TAF6L: variants seen among roughly 807,000 people sequenced by gnomAD.
TAF6L encodes the protein TATA-box binding protein associated factor 6 like.
Under a neutral mutation model 57.3 loss-of-function variants are expected in TAF6L, and 34 were observed. The observed-to-expected ratio is 0.59, with a 90% CI of 0.45 to 0.79. TAF6L has a LOEUF of 0.79. TAF6L is among the 30% of genes least tolerant of loss of function. The pLI, the probability that TAF6L is intolerant of heterozygous loss-of-function variation, is 0.00. For missense variants in TAF6L, 782 were observed against 853.2 expected (o/e 0.92, Z 1.04); for synonymous variants, 417 against 376.3 (o/e 1.11, Z -1.25).
intron 5 of TAF6L, 59 bp downstream of exon 5, chr11:62,778,394 G>T: frequency 1.2e-6 from 2 of 1,600,542 alleles, no homozygotes; most frequent in Admixed American, 1.7e-5. Flanking sequence ...AGGTTCTGAG[G>T]GTGGTGCCTA....
At position 62,778,938 on chromosome 11, in the gene TAF6L, T is replaced by G; in HGVS notation, c.506T>G (p.Leu169Arg). 6.2e-7 allele frequency: 1 copy of G among 1,613,914 alleles called. No individual in the cohort carries two copies. Among genetic ancestry groups the G allele is most frequent in the Non-Finnish European group, 8.5e-7 (1 of 1,179,980 alleles). The change falls in exon 6 of 11, where the codon CTA (leucine) becomes CGA (arginine). Residue 169 changes from leucine to arginine, a missense_variant. Physicochemically the swap from Leu to Arg is moderately radical, Grantham distance 102 (BLOSUM62 -2). This residue lies in a region of TAF6L where 220 missense variants were observed against 252.1 expected (regional missense o/e 0.87). Transcript: ENST00000294168. ...TATCACCAGGTGACTCGTGCTGTGC[T>G]AGGGGATGATCCGCAACTGATGAAG... ...KYYHQVTRAV[L>R]GDDPQLMKVA...
Position 62,775,936 on chromosome 11 carries a change from C to T in TAF6L, c.147+6C>T. On this transcript the variant is annotated splice_donor_region_variant and intron_variant, in intron 2 of 10. Transcript: ENST00000294168. The stretch of plus-strand genomic sequence containing the variant: ...GTCTGAGAGAGGCCACGCAGGTACA[C>T]TCCCCTCACCCCCTGATACCTCCAA... 6.3e-7 allele frequency: 1 copy of T among 1,598,812 alleles called. No homozygotes were observed. The highest frequency in any genetic ancestry group is 1.3e-5 in the African/African-American group (1 of 74,580).
intron 7 of TAF6L, 62 bp from the exon 8 acceptor site, chr11:62,782,051 C>A: frequency 6.3e-7 from 1 of 1,591,334 alleles, no homozygotes; most frequent in Admixed American, 1.7e-5. Context: ...CAAGTGCTGT[C>A]AGAATGGTGG....
rs370316644 is a variant in TAF6L, at chr11:62,775,855, G to C, written c.72G>C (p.Thr24=). The part of the protein sequence containing the change: ...RESVRLMAES[T]GLELSDEVAA... ...CTGTCCGGCTCATGGCGGAGAGCAC[G>C]GGCCTGGAGCTGAGCGATGAGGTGG... Residue 24 remains threonine, a synonymous_variant, in exon 2 of 11, where the codon ACG becomes ACC. Transcript: ENST00000294168. The C allele has an allele frequency of 1.2e-6, 2 of 1,613,676 alleles. No individual in the cohort carries two copies. The highest frequency in any genetic ancestry group is 1.7e-6 in the Non-Finnish European group (2 of 1,180,004).
At chr11:62,772,829 CTTCT>C (rs766897703) in intron 1 of TAF6L, among the ~76,000 whole-genome samples, 4 of 144,112 alleles carry the variant, frequency 2.8e-5, no homozygotes, top group South Asian at 2.3e-4. Flanking sequence ...AAGAATAGTT[CTTCT>C]TTCTTTCTTT....
Position 62,776,039 on chromosome 11 carries a change from C to A in TAF6L, c.147+109C>A. 5 of 1,340,080 alleles carry A rather than the reference C, an allele frequency of 3.7e-6. No homozygotes were observed. The Middle Eastern group carries it at 5.7e-4, about 151-fold the overall frequency. The allele number at this position is 1,340,080 out of a possible 1,614,324, so 83.0% of individuals were successfully genotyped here. A position where few individuals can be genotyped will look rare whatever the true frequency, so the allele number is the denominator to read the frequency against. On this transcript the variant is annotated intron_variant, in intron 2 of 10. Transcript: ENST00000294168. ...GTGTACACTGGGTGCCTGCTCCATA[C>A]AACAGAGACAGTCCATGCCTTTACA...
chr11:62,781,399 C>T (rs765931223), intron 6 of TAF6L, among the ~76,000 whole-genome samples: 22 of 151,754 alleles, frequency 1.4e-4, no homozygotes, highest in Admixed American at 3.9e-4. Context: ...GATGGCCGGG[C>T]GCGGTGGCTC....
intron 8 of TAF6L, 38 bp downstream of exon 8, chr11:62,782,371 CAGAGCCAAGT>C: frequency 6.3e-7 from 1 of 1,598,276 alleles, no homozygotes; most frequent in Non-Finnish European, 8.5e-7. Flanking sequence ...GGGATTGCTG[CAGAGCCAAGT>C]GGGTTGGGGT....
rs1253615393 is a variant in TAF6L at position 62,786,278 on chromosome 11, T to C, written c.979T>C (p.Tyr327His). The C allele has an allele frequency of 4.3e-6, 7 of 1,613,712 alleles. No homozygotes were observed. The highest frequency in any genetic ancestry group is 5.9e-6 in the Non-Finnish European group (7 of 1,179,732). ...CTTCCAGGCAGTAGAACGAGTCCTGTACCCACACCTGTCCACCTACTGGAC... is the reference window on the plus strand; with the variant it reads ...CTTCCAGGCAGTAGAACGAGTCCTGCACCCACACCTGTCCACCTACTGGAC... ...LGWKAVERVL[Y>H]PHLSTYWTNL... is the part of the protein sequence containing the mutation. The change falls in exon 10 of 11, where the codon TAC becomes CAC. Residue 327 changes from tyrosine (Y) to histidine (H), a missense_variant. Around this residue, in one of 3 missense-constraint regions of TAF6L, gnomAD observed 483 missense variants for 445.1 expected, o/e 1.09. Transcript: ENST00000294168.
chr11:62,786,856 G>T lies in TAF6L; in HGVS notation c.1429G>T (p.Ala477Ser). 6.3e-7 allele frequency: 1 copy of T among 1,593,894 alleles called. No individual in the cohort carries two copies. Among genetic ancestry groups the T allele is most frequent in the East Asian group, 2.2e-5 (1 of 44,528 alleles). ...RPPGDKKEPAAAPDSVRKMPQ... is the reference protein window; with the variant it reads ...RPPGDKKEPASAPDSVRKMPQ... ...GCCCGGGGACAAGAAGGAGCCGGCG[G>T]CAGCCCCGGACTCGGTGCGGAAGAT... The change falls in exon 11 of 11, where the codon GCA (alanine) becomes TCA (serine). Residue 477 changes from alanine to serine, a missense_variant. Coordinates refer to ENST00000294168, the MANE Select transcript of TAF6L (RefSeq NM_006473.4).
chr11:62,784,725 G>A (rs2084257752), intron 9 of TAF6L, among the ~76,000 whole-genome samples: 1 of 152,140 alleles, frequency 6.6e-6, no homozygotes, highest in Non-Finnish European at 1.5e-5. Flanking sequence ...CAGATTTCCT[G>A]ATAGTAAACA....
At chr11:62,775,347 A>T (rs1231009255) in intron 1 of TAF6L, among the ~76,000 whole-genome samples, 3 of 152,108 alleles carry the variant, frequency 2.0e-5, no homozygotes. Flanking sequence ...ACACGTGGGG[A>T]TTATTAAAAT....
Position 62,778,966 on chromosome 11 carries a change from G to A in TAF6L, c.531+3G>A, listed in dbSNP as rs1370170515. 1 of 1,613,012 alleles carries A rather than the reference G, an allele frequency of 6.2e-7. No individual in the cohort carries two copies. Among genetic ancestry groups the A allele is most frequent in the South Asian group, 1.1e-5 (1 of 91,044 alleles). Reference sequence around the variant, plus strand: ...GGGATGATCCGCAACTGATGAAGGTGAGCGAGTGGGCCCAAGTTGGGGCAC... The same window carrying A: ...GGGATGATCCGCAACTGATGAAGGTAAGCGAGTGGGCCCAAGTTGGGGCAC... On this transcript the variant is annotated splice_donor_region_variant and intron_variant, in intron 6 of 10. Transcript: ENST00000294168.
intron 6 of TAF6L, chr11:62,781,678 A>AAAAAAT (rs1554997115): frequency 1.4e-4 from 66 of 464,582 alleles, no homozygotes; most frequent in East Asian, 3.2e-4. Flanking sequence ...AAAAAAAAAA[A>AAAAAAT]GTTGGACATT....
intron 1 of TAF6L, chr11:62,774,470 C>T (rs781618211): frequency 1.4e-4 from 59 of 418,098 alleles, no homozygotes; most frequent in Non-Finnish European, 2.3e-4. Context: ...GGGACCTGGA[C>T]GTCACTGGTG....
At position 62,787,256 on chromosome 11, in the gene TAF6L, G is replaced by T; in HGVS notation, c.1829G>T (p.Arg610Leu). ...MIGRTSRPAR[R>L]WALSDYSLYL... ...GGCCGTACCAGCCGCCCCGCCCGCC[G>T]GTGGGCGCTCTCGGACTACTCGCTG... The change falls in exon 11 of 11, where the codon CGG becomes CTG. Residue 610 changes from arginine (R) to leucine (L), a missense_variant. By Grantham distance (102) the Arg-to-Leu change is moderately radical. Coordinates refer to ENST00000294168, the MANE Select transcript of TAF6L (RefSeq NM_006473.4). 2 of 1,566,510 alleles carry T rather than the reference G, an allele frequency of 1.3e-6. No homozygotes were observed. The highest frequency in any genetic ancestry group is 1.7e-6 in the Non-Finnish European group (2 of 1,164,340).
intron 9 of TAF6L, among the ~76,000 whole-genome samples, chr11:62,783,946 G>A (rs1236793717): frequency 2.0e-5 from 3 of 147,130 alleles, no homozygotes; most frequent in Admixed American, 6.9e-5. Context: ...TGTTGCTTTT[G>A]AGATTTTTGT....
rs2084285672 is a variant in TAF6L at position 62,786,971 on chromosome 11, G to C, written c.1544G>C (p.Gly515Ala). Residue 515 changes from glycine to alanine, a missense_variant, in exon 11 of 11, where the codon GGG becomes GCG. Gly to Ala is a moderately conservative substitution (Grantham distance 60, BLOSUM62 0). This residue lies in a region of TAF6L where 483 missense variants were observed against 445.1 expected (regional missense o/e 1.09). Transcript: ENST00000294168. ...SGGGGPASAS[G>A]PAASESRPLP... is the part of the protein sequence containing the mutation. Reference sequence around the variant, plus strand: ...GGAGGCGGCCCCGCGTCGGCCTCTGGGCCCGCCGCCTCTGAGAGCAGGCCC... The same window carrying C: ...GGAGGCGGCCCCGCGTCGGCCTCTGCGCCCGCCGCCTCTGAGAGCAGGCCC... 4.1e-6 allele frequency: 6 copies of C among 1,447,808 alleles called. No individual in the cohort carries two copies. The highest frequency in any genetic ancestry group is 4.5e-6 in the Non-Finnish European group (5 of 1,111,962). The allele number at this position is 1,447,808 out of a possible 1,614,324, so 89.7% of individuals were successfully genotyped here.
At chr11:62,771,947 T>G (rs1011525130) in intron 1 of TAF6L, 1 of 362,734 alleles carries the variant, frequency 2.8e-6, no homozygotes, top group Non-Finnish European at 5.4e-6. Flanking sequence ...GGGTCTCCAA[T>G]CCATGTCTTT....
Sources: allele counts gnomAD v4.1 joint callset (sites outside exome capture counted in the v4.1 genomes callset), GRCh38; gene constraint gnomAD v4.1.1; regional missense constraint gnomAD v4.1.1; transcripts MANE v1.5; gene names NCBI Gene and HGNC (gene_info 2026-07-23, HGNC 2026-07-21).